UNC13C: variants seen among roughly 807,000 people sequenced by gnomAD.
UNC13C encodes protein unc-13 homolog C.
A neutral mutation model predicts 245.4 loss-of-function variants in UNC13C; 174 were observed. That is an observed-to-expected ratio of 0.71 (90% CI 0.63 to 0.80). The LOEUF (loss-of-function observed/expected upper bound fraction) is 0.80. UNC13C is among the 30% of genes least tolerant of loss of function. The probability of loss-of-function intolerance (pLI) is 0.00; values close to 1 mark genes in which losing one functional copy is unlikely to be tolerated. For synonymous variants in UNC13C, 992 were observed against 895.1 expected, an observed-to-expected ratio of 1.11 and a Z score of -1.93; for missense variants, 2,829 against 2,602.9, an observed-to-expected ratio of 1.09 and a Z score of -1.89.
intron 4 of UNC13C, among the ~76,000 whole-genome samples, chr15:54,234,795 T>G (rs144343587): frequency 2.6e-5 from 4 of 152,300 alleles, no homozygotes; most frequent in Admixed American, 2.6e-4. Context: ...GCCATGTATA[T>G]CTTAAATTTT....
At chr15:54,234,969 T>C in intron 4 of UNC13C, 61 bp from the exon 5 acceptor site, 4 of 1,432,092 alleles carry the variant, frequency 2.8e-6, no homozygotes, top group Non-Finnish European at 3.9e-6. Context: ...GAACAGTGGA[T>C]GTTTTTCTTA....
At chr15:53,903,989 A>G in the UNC13C span, among the ~76,000 whole-genome samples, 2 of 152,336 alleles carry the variant, frequency 1.3e-5, no homozygotes, top group Non-Finnish European at 2.9e-5. Flanking sequence ...AGGGACATAG[A>G]AGGTCAAAAA....
chr15:54,296,140 T>C (rs1001484419), intron 11 of UNC13C, among the ~76,000 whole-genome samples: 4 of 152,106 alleles, frequency 2.6e-5, no homozygotes, highest in Non-Finnish European at 4.4e-5. Context: ...AAGAGGTGTG[T>C]GACCAAAAAA....
At chr15:54,209,438 G>T (rs185296425) in intron 4 of UNC13C, among the ~76,000 whole-genome samples, 21 of 151,796 alleles carry the variant, frequency 1.4e-4, no homozygotes, top group African/African-American at 3.9e-4. Context: ...TTGAGACAGG[G>T]TCTCACTCTG....
chr15:54,449,508 G>C (rs186425325), intron 19 of UNC13C, among the ~76,000 whole-genome samples: 3 of 151,704 alleles, frequency 2.0e-5, no homozygotes, highest in Admixed American at 1.3e-4. Flanking sequence ...TTCTCTTCTC[G>C]CTTCATTTAA....
intron 19 of UNC13C, among the ~76,000 whole-genome samples, chr15:54,472,767 A>G (rs1367207089): frequency 6.6e-6 from 1 of 151,938 alleles, no homozygotes; most frequent in Non-Finnish European, 1.5e-5. Flanking sequence ...TGATAATCTA[A>G]TAGACGTTCT....
At chr15:54,540,397 G>T (rs1262700482) in intron 26 of UNC13C, among the ~76,000 whole-genome samples, 5 of 151,976 alleles carry the variant, frequency 3.3e-5, no homozygotes. Flanking sequence ...CATGGCATTT[G>T]AAAATTGTCT....
intron 14 of UNC13C, among the ~76,000 whole-genome samples, chr15:54,329,241 A>T (rs2038378147): frequency 6.6e-6 from 1 of 151,912 alleles, no homozygotes; most frequent in African/African-American, 2.4e-5. Context: ...GAATAACTGG[A>T]ATATCGATCA....
chr15:54,479,794 A>C (rs79546582), intron 19 of UNC13C, among the ~76,000 whole-genome samples: 1 of 151,574 alleles, frequency 6.6e-6, no homozygotes, highest in South Asian at 2.1e-4. Context: ...TCATCTTTTC[A>C]CTTCCAAATA....
chr15:54,130,555 G>A (rs890934015), intron 2 of UNC13C, among the ~76,000 whole-genome samples: 1 of 152,074 alleles, frequency 6.6e-6, no homozygotes, highest in Non-Finnish European at 1.5e-5. Flanking sequence ...GCCTCCCAAA[G>A]TGCTAGGATT....
rs557510310 is a variant in UNC13C at position 54,112,850 on chromosome 15, C to A, written c.2984-30168C>A. ...AGGTTGAGGCCCATGGACAGTACTA[C>A]CCCTAAACATTGCTTTCCCCTAATG... On this transcript the variant is annotated intron_variant, in intron 2 of 32. Transcript: ENST00000260323. Among the ~76,000 whole-genome samples the A allele has an allele frequency of 1.4e-3, 207 of 152,268 alleles. 5 individuals are homozygous for A. In the South Asian group the frequency reaches 0.039, roughly 29 times the overall value.
intron 1 of UNC13C, among the ~76,000 whole-genome samples, chr15:53,998,356 A>G (rs2914989): frequency 0.88 from 134,599 of 152,130 alleles, 59,565 homozygotes; most frequent in African/African-American, 0.91. Context: ...AAAATATGTC[A>G]GTAAATTTTT....
chr15:53,947,705 A>G, the UNC13C span: 3 of 152,186 alleles, frequency 2.0e-5, no homozygotes, highest in African/African-American at 4.8e-5. Flanking sequence ...TTTTGTATCC[A>G]TCAGAGGCTC....
At chr15:54,584,957 T>G (rs1423192450) in intron 30 of UNC13C, among the ~76,000 whole-genome samples, 4 of 152,212 alleles carry the variant, frequency 2.6e-5, no homozygotes, top group Admixed American at 2.6e-4. Context: ...TTCCAAACAT[T>G]TAAAGTGATG....
intron 24 of UNC13C, among the ~76,000 whole-genome samples, chr15:54,524,153 T>C (rs1260523667): frequency 1.3e-5 from 2 of 151,472 alleles, no homozygotes; most frequent in Admixed American, 1.3e-4. Context: ...CAACTGGTTT[T>C]AGCTGAATAG....
intron 25 of UNC13C, among the ~76,000 whole-genome samples, chr15:54,531,561 T>C (rs1239464789): frequency 2.0e-5 from 3 of 152,014 alleles, no homozygotes; most frequent in Non-Finnish European, 2.9e-5. Flanking sequence ...AGGAGCAGCC[T>C]GTGAGGTCAG....
intron 4 of UNC13C, among the ~76,000 whole-genome samples, chr15:54,150,563 G>A (rs540176005): frequency 5.3e-5 from 8 of 152,166 alleles, no homozygotes; most frequent in African/African-American, 9.7e-5. Context: ...TCAAGAAGTG[G>A]TTGCTGAGCC....
intron 18 of UNC13C, among the ~76,000 whole-genome samples, chr15:54,400,203 C>T (rs774176572): frequency 1.3e-5 from 2 of 151,872 alleles, no homozygotes; most frequent in Non-Finnish European, 2.9e-5. Context: ...AACGGTAAGG[C>T]CCTGGTATTG....
intron 17 of UNC13C, among the ~76,000 whole-genome samples, chr15:54,362,400 T>G (rs982331444): frequency 6.6e-6 from 1 of 152,212 alleles, no homozygotes; most frequent in Non-Finnish European, 1.5e-5. Flanking sequence ...CTATTTCTCC[T>G]ACTGGTCATG....
Sources: gnomAD v4.1 joint callset for allele counts (sites outside exome capture counted in the v4.1 genomes callset) on GRCh38, gnomAD v4.1.1 for gene constraint, MANE v1.5 for transcripts, NCBI Gene and HGNC (gene_info 2026-07-23, HGNC 2026-07-21) for gene names.